PES1: variants seen among roughly 807,000 people sequenced by gnomAD.
PES1 encodes the protein pescadillo ribosomal biogenesis factor 1.
PES1 carries 31 observed loss-of-function variants against 77.1 expected under a neutral mutation model. The observed-to-expected ratio is 0.40, with a 90% CI of 0.30 to 0.54. PES1 has a LOEUF of 0.54. PES1 is among the 20% of genes least tolerant of loss of function. The pLI, the probability that PES1 is intolerant of heterozygous loss-of-function variation, is 0.45. For missense variants in PES1, 658 were observed against 771.7 expected, an observed-to-expected ratio of 0.85 and a Z score of 1.75; for synonymous variants, 282 against 303.0, an observed-to-expected ratio of 0.93 and a Z score of 0.72.
At chr22:30,585,384 G>A in intron 4 of PES1, 2 of 470,300 alleles carry the variant, frequency 4.3e-6, no homozygotes, top group Non-Finnish European at 8.8e-6. Context: ...TTGAGGGACA[G>A]AGGCATGGGT....
At position 30,576,817 on chromosome 22, in the gene PES1, C is replaced by A. The variant is rs1402394236; in HGVS notation, c.*229G>T. 4 of 566,850 alleles carry A rather than the reference C, an allele frequency of 7.1e-6. No homozygotes were observed. In the African/African-American group the frequency reaches 7.6e-5, roughly 11 times the overall value. The allele number at this position is 566,850 out of a possible 1,614,324, so 35.1% of individuals were successfully genotyped here. A position where few individuals can be genotyped will look rare whatever the true frequency, so the allele number is the denominator to read the frequency against. ...TCACTGGCTCCTGGGAGCAGAGAAT[C>A]AGGCTGGGCACAGAGGCCTCTTCTC... is the stretch of plus-strand genomic sequence containing the variant. On this transcript the variant is annotated 3_prime_UTR_variant, in exon 15 of 15. Coordinates refer to ENST00000354694, the MANE Select transcript of PES1 (RefSeq NM_014303.4).
chr22:30,578,965 C>T lies in PES1; in HGVS notation c.1555G>A (p.Glu519Lys), dbSNP rs138458339. The T allele has an allele frequency of 4.3e-6, 7 of 1,612,752 alleles. No homozygotes were observed. The highest frequency in any genetic ancestry group is 5.9e-6 in the Non-Finnish European group (7 of 1,180,020). ...TCCTGGGCCAGCCGCTGCTTATCCT[C>T]CAGCTTCAAGGTGCCTGCCATCACC... The part of the protein sequence containing the change: ...PRVMAGTLKL[E>K]DKQRLAQEEE... The change falls in exon 14 of 15, where the codon GAG becomes AAG. Residue 519 changes from glutamate to lysine, a missense_variant. Physicochemically the swap from Glu to Lys is moderately conservative, Grantham distance 56. Coordinates refer to ENST00000354694, the MANE Select transcript of PES1 (RefSeq NM_014303.4).
At chr22:30,593,347 T>C (rs2087210401), upstream of PES1, among the ~76,000 whole-genome samples, 1 of 151,740 alleles carries the variant, frequency 6.6e-6, no homozygotes, top group African/African-American at 2.4e-5. Context: ...ATTAGCCGGG[T>C]GTGGTGGCAG....
chr22:30,588,248 G>A (rs1017949081), intron 2 of PES1, 74 bp from the exon 3 acceptor site: 12 of 1,569,212 alleles, frequency 7.6e-6, no homozygotes, highest in African/African-American at 4.1e-5. Flanking sequence ...GCTGGGCCTG[G>A]AAAACAACAG....
chr22:30,587,466 G>A, intron 3 of PES1, 71 bp from the exon 4 acceptor site: 1 of 1,163,236 alleles, frequency 8.6e-7, no homozygotes, highest in East Asian at 2.3e-5. Flanking sequence ...CATGGAAGAT[G>A]GAAACGCAGG....
At chr22:30,580,498 T>G in intron 10 of PES1, 73 bp downstream of exon 10, 1 of 1,570,420 alleles carries the variant, frequency 6.4e-7, no homozygotes, top group Non-Finnish European at 8.7e-7. Context: ...ATGTTACCGA[T>G]GGGCACCAGG....
At chr22:30,601,873 A>G (rs1267221990) in intron 2 of PES1, 1 of 151,806 alleles carries the variant, frequency 6.6e-6, no homozygotes, top group Non-Finnish European at 1.5e-5. Context: ...CCCAGGTTCA[A>G]GTGATTCTCG....
intron 7 of PES1, 32 bp from the exon 8 acceptor site, chr22:30,581,440 G>C: frequency 6.2e-7 from 1 of 1,611,916 alleles, no homozygotes; most frequent in East Asian, 2.2e-5. Flanking sequence ...AGGAGGCAGA[G>C]GACAGCCACA....
chr22:30,591,857 A>G lies in PES1; in HGVS notation c.-24T>C. 1 of 1,549,490 alleles carries G rather than the reference A, an allele frequency of 6.5e-7. No individual in the cohort carries two copies. The highest frequency in any genetic ancestry group is 8.7e-7 in the Non-Finnish European group (1 of 1,147,710). On this transcript the variant is annotated 5_prime_UTR_variant, in exon 1 of 15. Transcript: ENST00000354694. The stretch of plus-strand genomic sequence containing the variant: ...ATCGCTCCACGTTGAGGAGCCGACT[A>G]GGGCCGCGCGTACAGGGAGCTCCAC...
chr22:30,601,432 A>T (rs2087352829), intron 2 of PES1, among the ~76,000 whole-genome samples: 1 of 152,038 alleles, frequency 6.6e-6, no homozygotes. Flanking sequence ...CTCCTGCCTC[A>T]GCCCCGAGTA....
chr22:30,600,758 T>TGCCCG, intron 2 of PES1, among the ~76,000 whole-genome samples: 1 of 152,172 alleles, frequency 6.6e-6, no homozygotes, highest in Admixed American at 6.5e-5. Flanking sequence ...GAGCTTGCAG[T>TGCCCG]GAGCCGAGAT....
At chr22:30,597,089 C>T (rs969934137) in intron 2 of PES1, among the ~76,000 whole-genome samples, 1 of 152,188 alleles carries the variant, frequency 6.6e-6, no homozygotes, top group Admixed American at 6.5e-5. Context: ...TGGACCTTAG[C>T]TGCCTCCCCG....
chr22:30,591,776 C>G lies in PES1; in HGVS notation c.24+34G>C, dbSNP rs1283416388. On this transcript the variant is annotated intron_variant, in intron 1 of 14. Transcript: ENST00000354694. ...CATGCTCTGCCGCCCCCGCACCCCA[C>G]CCCTCGGGAATCCCCACCGTCTTTC... 5 of 1,552,760 alleles carry G rather than the reference C, an allele frequency of 3.2e-6. No individual in the cohort carries two copies. The Admixed American group carries it at 9.7e-5, about 30-fold the overall frequency.
chr22:30,586,167 C>T (rs1386247770), intron 4 of PES1, among the ~76,000 whole-genome samples: 7 of 152,238 alleles, frequency 4.6e-5, no homozygotes, highest in Non-Finnish European at 8.8e-5. Context: ...TGAATCCAGG[C>T]ACTTGCTTTT....
intron 1 of PES1, chr22:30,606,729 C>A: frequency 2.8e-5 from 9 of 319,422 alleles, no homozygotes; most frequent in East Asian, 1.9e-4. Context: ...CTGCCCAACT[C>A]CCCCACCCCC....
intron 2 of PES1, among the ~76,000 whole-genome samples, chr22:30,599,618 GGCTGGGC>G (rs1316097819): frequency 1.3e-5 from 2 of 152,152 alleles, no homozygotes; most frequent in African/African-American, 4.8e-5. Flanking sequence ...GAAAAATATA[GGCTGGGC>G]GCGGTGGCTC....
chr22:30,578,729 T>C, intron 14 of PES1, 108 bp downstream of exon 14: 1 of 1,294,010 alleles, frequency 7.7e-7, no homozygotes, highest in Non-Finnish European at 1.1e-6. Context: ...AGGAAAAGGC[T>C]AGGAGAGCCT....
chr22:30,605,565 T>TGG, intron 1 of PES1: 1 of 885,016 alleles, frequency 1.1e-6, no homozygotes, highest in Non-Finnish European at 1.4e-6. Context: ...GGCAGAGGGT[T>TGG]GGGGGAGCCA....
Position 30,599,613 on chromosome 22 carries a change from A to G in PES1, c.-661+5848T>C, listed in dbSNP as rs183889342. 6.0e-4 allele frequency among the ~76,000 whole-genome samples: 91 copies of G among 152,316 alleles called. 1 individual carries two copies. In the East Asian group the frequency reaches 0.016, roughly 27 times the overall value. On this transcript the variant is annotated intron_variant, in intron 2 of 16. Coordinates refer to the PES1 transcript ENST00000402281. The stretch of plus-strand genomic sequence containing the variant: ...AACTAGTCTAAGGCAATGGTGAAAA[A>G]TATAGGCTGGGCGCGGTGGCTCACG...
Sources: gnomAD v4.1 joint callset for allele counts (sites outside exome capture counted in the v4.1 genomes callset) on GRCh38, gnomAD v4.1.1 for gene constraint, MANE v1.5 for transcripts, NCBI Gene and HGNC (gene_info 2026-07-23, HGNC 2026-07-21) for gene names.